The following OTOG variants were observed in gnomAD, a reference collection of about 807,000 sequenced individuals.
The protein encoded by OTOG is otogelin.
A neutral mutation model predicts 313.8 loss-of-function variants in OTOG; 296 were observed. That is an observed-to-expected ratio of 0.94 (90% CI 0.86 to 1.04). The LOEUF (loss-of-function observed/expected upper bound fraction) is 1.04. Among genes scored for constraint, OTOG ranks in the 50% least tolerant of loss-of-function variants. The pLI is 0.00. For synonymous variants in OTOG, 1,533 were observed against 1,554.9 expected, an observed-to-expected ratio of 0.99 and a Z score of 0.33; for missense variants, 3,948 against 3,840.1, an observed-to-expected ratio of 1.03 and a Z score of -0.74.
intron 32 of OTOG, among the ~76,000 whole-genome samples, chr11:17,603,764 G>A (rs1192831200): frequency 6.6e-6 from 1 of 152,204 alleles, no homozygotes; most frequent in Non-Finnish European, 1.5e-5. Flanking sequence ...AAGAAGTGGA[G>A]AGCAGGAAAC....
chr11:17,606,089 C>T lies in OTOG; in HGVS notation c.4110C>T (p.Tyr1370=), dbSNP rs535819825. Reference sequence around the variant, plus strand: ...GCGCGGTGCTGGCCCTGCGGCTGTACGAACACACAGAGGTGTTCCGCCGGG... The same window carrying T: ...GCGCGGTGCTGGCCCTGCGGCTGTATGAACACACAGAGGTGTTCCGCCGGG... ...VSGAVLALRL[Y]EHTEVFRRGT... is the part of the protein sequence containing the mutation. The change falls in exon 33 of 56, where the codon TAC becomes TAT. Residue 1370 remains tyrosine, a synonymous_variant. Coordinates refer to ENST00000399397, the MANE Select transcript of OTOG (RefSeq NM_001292063.2). 4.0e-5 allele frequency: 62 copies of T among 1,549,628 alleles called. No individual in the cohort carries two copies. The highest frequency in any genetic ancestry group is 8.2e-5 in the African/African-American group (6 of 73,170).
rs1046455733 is a variant in OTOG at position 17,637,606 on chromosome 11, G to A, written c.7796-845G>A. ...AGACAGTGCGTGCATGAGCTTCATA[G>A]CACATCACTTCGGGTGCCACACACT... On this transcript the variant is annotated intron_variant, in intron 47 of 55. Coordinates refer to ENST00000399397, the MANE Select transcript of OTOG (RefSeq NM_001292063.2). Among the ~76,000 whole-genome samples the A allele has an allele frequency of 2.0e-5, 3 of 152,272 alleles. No individual in the cohort carries two copies. In the South Asian group the frequency reaches 6.2e-4, roughly 32 times the overall value.
rs143273410 is a variant in OTOG, at chr11:17,644,017, G to T, written c.8461+511G>T. ...CCCACTGCACTGGAGGCAGGCAGCC[G>T]CATTGCTATGTCCAGCAATGTCCCT... On this transcript the variant is annotated intron_variant, in intron 54 of 55. Transcript: ENST00000399397. Among the ~76,000 whole-genome samples the T allele has an allele frequency of 3.1e-3, 475 of 152,326 alleles. 3 individuals carry two copies. The highest frequency in any genetic ancestry group is 0.011 in the African/African-American group (443 of 41,566).
At chr11:17,630,722 T>G (rs1854102267) in intron 40 of OTOG, among the ~76,000 whole-genome samples, 1 of 152,162 alleles carries the variant, frequency 6.6e-6, no homozygotes. Context: ...TCATGGATAG[T>G]GCATCTGAGG....
chr11:17,601,184 C>G (rs1223043920), intron 31 of OTOG, among the ~76,000 whole-genome samples: 1 of 152,178 alleles, frequency 6.6e-6, no homozygotes, highest in Non-Finnish European at 1.5e-5. Flanking sequence ...TGTGGGCCTC[C>G]CATCCAGATC....
At chr11:17,632,640 C>A (rs1450983315) in intron 42 of OTOG, among the ~76,000 whole-genome samples, 3 of 152,090 alleles carry the variant, frequency 2.0e-5, no homozygotes, top group East Asian at 1.9e-4. Flanking sequence ...CACCTTAATT[C>A]CCTCTGCTTC....
At chr11:17,583,597 C>G (rs1459058123) in intron 23 of OTOG, among the ~76,000 whole-genome samples, 2 of 152,098 alleles carry the variant, frequency 1.3e-5, no homozygotes, top group Non-Finnish European at 2.9e-5. Context: ...CATGTAATTG[C>G]TTTGGCATTT....
chr11:17,548,352 T>A, intron 3 of OTOG, 140 bp downstream of exon 3: 2 of 582,388 alleles, frequency 3.4e-6, no homozygotes, highest in Non-Finnish European at 5.6e-6. Context: ...CTGGTATGTG[T>A]CTGAGGTGTG....
chr11:17,553,736 A>G (rs1476049295), intron 6 of OTOG, among the ~76,000 whole-genome samples: 1 of 152,218 alleles, frequency 6.6e-6, no homozygotes, highest in Non-Finnish European at 1.5e-5. Context: ...TGAGCCACTC[A>G]TTCATCAAGT....
chr11:17,588,984 C>T (rs1041380339), intron 24 of OTOG, among the ~76,000 whole-genome samples: 9 of 152,286 alleles, frequency 5.9e-5, no homozygotes, highest in Non-Finnish European at 1.2e-4. Context: ...CGATGTCTCC[C>T]CTTCCCTTTT....
chr11:17,601,480 T>TG (rs1299121914), intron 31 of OTOG, among the ~76,000 whole-genome samples: 2 of 14,424 alleles, frequency 1.4e-4, no homozygotes, highest in African/African-American at 5.8e-4. Flanking sequence ...AGCCAGGGCG[T>TG]GGGGGGAGTG....
intron 28 of OTOG, among the ~76,000 whole-genome samples, chr11:17,594,370 C>T (rs1413653623): frequency 6.6e-6 from 1 of 152,174 alleles, no homozygotes; most frequent in African/African-American, 2.4e-5. Context: ...AATCCAGCTG[C>T]CCACCCTACC....
rs547381738 is a variant in OTOG, at chr11:17,631,710, G to A, written c.6721G>A (p.Asp2241Asn). 5.8e-6 allele frequency: 9 copies of A among 1,550,246 alleles called. No individual in the cohort carries two copies. Among genetic ancestry groups the A allele is most frequent in the Admixed American group, 2.0e-5 (1 of 50,990 alleles). ...TGTTTGGCCCCTTTCAGGTATCTGT[G>A]ATGGAGATGCAGCCAATGACCTTAC... Reference protein sequence around the residue: ...AQGHGLCGICDGDAANDLTLK... With the variant: ...AQGHGLCGICNGDAANDLTLK... Residue 2241 changes from aspartate (D) to asparagine (N), a missense_variant, in exon 41 of 56, where the codon GAT (aspartate) becomes AAT (asparagine). By Grantham distance (23) the Asp-to-Asn change is conservative. Coordinates refer to ENST00000399397, the MANE Select transcript of OTOG (RefSeq NM_001292063.2).
chr11:17,624,935 C>G lies in OTOG; in HGVS notation c.6529-4198C>G, dbSNP rs1853949424. Among the ~76,000 whole-genome samples, 4 of 152,062 alleles carry G rather than the reference C, an allele frequency of 2.6e-5. No homozygotes were observed. In the South Asian group the frequency reaches 8.3e-4, roughly 32 times the overall value. On this transcript the variant is annotated intron_variant, in intron 39 of 55. Transcript: ENST00000399397. The stretch of plus-strand genomic sequence containing the variant: ...TCGTGGCAATTGTGAATAAGATTGC[C>G]TTCCTGATTTGGCTCTCGGCTTAGC...
intron 47 of OTOG, among the ~76,000 whole-genome samples, chr11:17,636,636 C>T (rs141763344): frequency 4.8e-4 from 73 of 152,294 alleles, no homozygotes; most frequent in African/African-American, 1.7e-3. Flanking sequence ...ATTTGCAAGA[C>T]TGATGTGAGG....
At chr11:17,547,540 C>A in intron 1 of OTOG, 74 bp downstream of exon 1, 2 of 1,274,470 alleles carry the variant, frequency 1.6e-6, no homozygotes, top group Non-Finnish European at 2.0e-6. Context: ...GGAATGGGCC[C>A]GCGCAGGTTG....
At position 17,610,167 on chromosome 11, in the gene OTOG, C is replaced by T. The variant is rs747534478; in HGVS notation, c.4867C>T (p.Arg1623Ter). 1.0e-5 allele frequency: 16 copies of T among 1,550,512 alleles called. No individual in the cohort carries two copies. The highest frequency in any genetic ancestry group is 9.5e-5 in the South Asian group (8 of 84,062). ...GCTCATGACCAAGGCTGTGACAGTCCGAGGCCATGGCTCCTTGCCTGTTAG... is the reference window on the plus strand; with the variant it reads ...GCTCATGACCAAGGCTGTGACAGTCTGAGGCCATGGCTCCTTGCCTGTTAG... ...FPLMTKAVTVRGHGSLPVRTT... is the reference protein window; with the variant it reads ...FPLMTKAVTV The change falls in exon 36 of 56, where the codon CGA (arginine) becomes TGA (stop). Residue 1623 changes from arginine to a stop codon, truncating the protein, a stop_gained. Coordinates refer to ENST00000399397, the MANE Select transcript of OTOG (RefSeq NM_001292063.2). LOFTEE classifies it high-confidence loss of function.
At chr11:17,584,742 T>C (rs1384369573) in intron 23 of OTOG, among the ~76,000 whole-genome samples, 1 of 152,194 alleles carries the variant, frequency 6.6e-6, no homozygotes, top group African/African-American at 2.4e-5. Context: ...GCCAGGATGG[T>C]CTTGAACTCA....
chr11:17,560,849 G>A, intron 13 of OTOG, 32 bp downstream of exon 13: 1 of 1,517,458 alleles, frequency 6.6e-7, no homozygotes, highest in Non-Finnish European at 9.0e-7. Context: ...GCAGGGTGTG[G>A]GGCATGGCCG....
Sources: gnomAD v4.1 joint callset for allele counts (sites outside exome capture counted in the v4.1 genomes callset) on GRCh38, gnomAD v4.1.1 for gene constraint, MANE v1.5 for transcripts, NCBI Gene and HGNC (gene_info 2026-07-23, HGNC 2026-07-21) for gene names.